Variants in FCGR3A observed in about 807,000 individuals in gnomAD.
FCGR3A encodes the protein Fc gamma receptor IIIa.
In FCGR3A, 13 loss-of-function variants were observed where a neutral mutation model predicts 24.1. That is an observed-to-expected ratio of 0.54 (90% confidence interval 0.35 to 0.86). The LOEUF (loss-of-function observed/expected upper bound fraction) is 0.86, where lower values mean the gene tolerates loss of function less well. Among genes scored for constraint, FCGR3A ranks in the 40% least tolerant of loss-of-function variants. The probability of loss-of-function intolerance (pLI) is 0.01; values close to 1 mark genes in which losing one functional copy is unlikely to be tolerated. For synonymous variants in FCGR3A, 93 were observed against 112.2 expected, an observed-to-expected ratio of 0.83 and a Z score of 1.08; for missense variants, 235 against 298.0, an observed-to-expected ratio of 0.79 and a Z score of 1.56.
At position 161,548,518 on chromosome 1, in the gene FCGR3A, G is replaced by A; in HGVS notation, c.222C>T (p.Tyr74=). The change falls in exon 3 of 5, where the codon TAC becomes TAT. Residue 74 remains tyrosine (Y), a synonymous_variant. Transcript: ENST00000443193. ...CGTCGACTGTGGCAGCGTCAATGAA[G>A]TAGCTCGAGGCCTGGCTTGAGATGA... ...ESLISSQASS[Y]FIDAATVDDS... is the part of the protein sequence containing the mutation. 1.2e-6 allele frequency: 2 copies of A among 1,614,034 alleles called. No individual in the cohort carries two copies. The highest frequency in any genetic ancestry group is 1.7e-6 in the Non-Finnish European group (2 of 1,179,872).
upstream of FCGR3A, chr1:161,549,835 C>G (rs982245313): frequency 6.2e-7 from 1 of 1,613,018 alleles, no homozygotes; most frequent in South Asian, 1.1e-5. Context: ...TCCCCAGCCC[C>G]TCCACCCATC....
chr1:161,549,830 A>T, upstream of FCGR3A: 1 of 1,613,624 alleles, frequency 6.2e-7, no homozygotes. Flanking sequence ...GCCTTTCCCC[A>T]GCCCCTCCAC....
upstream of FCGR3A, chr1:161,549,870 C>G (rs1465500012): frequency 1.2e-6 from 2 of 1,610,340 alleles, no homozygotes; most frequent in African/African-American, 2.7e-5. Flanking sequence ...ATTTCCTTTT[C>G]TTGAAACTTC....
rs747338915 is a variant in FCGR3A at position 161,548,602 on chromosome 1, C to A, written c.138G>T (p.Lys46Asn). 33 of 1,613,858 alleles carry A rather than the reference C, an allele frequency of 2.0e-5. No individual in the cohort carries two copies. The East Asian group carries it at 6.5e-4, about 32-fold the overall frequency. ...CCTCAGGGGAGTAGGCTCCCTGGCA[C>A]TTCAGAGTCACACTGTCCTTCTCGA... ...RVLEKDSVTL[K>N]CQGAYSPEDN... Residue 46 changes from lysine (K) to asparagine (N), a missense_variant, in exon 3 of 5, where the codon AAG becomes AAT. Transcript: ENST00000443193.
intron 3 of FCGR3A, among the ~76,000 whole-genome samples, chr1:161,546,059 A>T (rs1259822431): frequency 6.6e-6 from 1 of 152,084 alleles, no homozygotes; most frequent in Non-Finnish European, 1.5e-5. Context: ...CAATAATTTT[A>T]TTTTTTAAAT....
chr1:161,544,738 A>C lies in FCGR3A; in HGVS notation c.540T>G (p.Asn180Lys), dbSNP rs767421682. The change falls in exon 4 of 5, where the codon AAT becomes AAG. Residue 180 changes from asparagine to lysine, a missense_variant. Asn to Lys is a moderately conservative substitution (Grantham distance 94). Transcript: ENST00000443193. ...YFCRGLFGSKNVSSETVNITI... is the reference protein window; with the variant it reads ...YFCRGLFGSKKVSSETVNITI... ...TGATGTTCACAGTCTCTGAAGACAC[A>C]TTTTTACTCCCAAAAAGCCCCCTGC... 6.2e-7 allele frequency: 1 copy of C among 1,611,326 alleles called. No individual in the cohort carries two copies. Among genetic ancestry groups the C allele is most frequent in the African/African-American group, 1.3e-5 (1 of 74,782 alleles).
At chr1:161,548,079 A>C (rs1432964201) in intron 3 of FCGR3A, among the ~76,000 whole-genome samples, 3 of 152,290 alleles carry the variant, frequency 2.0e-5, no homozygotes, top group African/African-American at 7.2e-5. Context: ...TCAAAAAATA[A>C]AATTAAAAAA....
intron 3 of FCGR3A, 110 bp from the exon 4 acceptor site, chr1:161,545,068 G>T (rs1677328768): frequency 7.0e-7 from 1 of 1,433,044 alleles, no homozygotes; most frequent in Non-Finnish European, 9.4e-7. Flanking sequence ...AGCCAGATTG[G>T]GAGTCAACCC....
At chr1:161,549,573 C>T (rs1474958939) in intron 1 of FCGR3A, 124 bp downstream of exon 1, 1 of 1,484,246 alleles carries the variant, frequency 6.7e-7, no homozygotes, top group Admixed American at 2.6e-5. Flanking sequence ...GCTCAATCCA[C>T]AGCTATAGAT....
intron 1 of FCGR3A, among the ~76,000 whole-genome samples, 178 bp downstream of exon 1, chr1:161,549,519 C>G (rs1677639278): frequency 6.6e-6 from 1 of 152,028 alleles, no homozygotes; most frequent in African/African-American, 2.4e-5. Flanking sequence ...CAATTGGAAC[C>G]AGCATTCTCC....
chr1:161,544,367 C>T (rs1456647171), intron 4 of FCGR3A, among the ~76,000 whole-genome samples: 1 of 151,654 alleles, frequency 6.6e-6, no homozygotes, highest in Non-Finnish European at 1.5e-5. Flanking sequence ...AAGAAGGAGG[C>T]CAGCACGATA....
chr1:161,545,557 G>C (rs1677352222), intron 3 of FCGR3A: 1 of 153,132 alleles, frequency 6.5e-6, no homozygotes, highest in Non-Finnish European at 1.5e-5. Context: ...AGGTGTCACA[G>C]GGCCTCGGTG....
In FCGR3A at chr1:161,541,797, TTCTA is replaced by T. The variant is rs1162255370; in HGVS notation, c.*1211_*1214del. On this transcript the variant is annotated 3_prime_UTR_variant, in exon 5 of 5. Coordinates refer to ENST00000443193, the MANE Select transcript of FCGR3A (RefSeq NM_000569.8). ...ATTTTATTACCATGGTTTTCCCATCTTCTATCTAAGAGTAGCATGCAAGATCTTG... is the reference window on the plus strand; with the variant it reads ...ATTTTATTACCATGGTTTTCCCATCTTCTAAGAGTAGCATGCAAGATCTTG... The T allele has an allele frequency of 3.9e-5, 6 of 152,258 alleles. No individual in the cohort carries two copies. The highest frequency in any genetic ancestry group is 8.8e-5 in the Non-Finnish European group (6 of 68,018). The allele number at this position is 152,258 out of a possible 1,614,324, so 9.4% of individuals were successfully genotyped here. A position where few individuals can be genotyped will look rare whatever the true frequency, so the allele number is the denominator to read the frequency against.
Position 161,543,090 on chromosome 1 carries a change from C to T in FCGR3A, c.687G>A (p.Val229=), listed in dbSNP as rs1370563104. Residue 229 remains valine, a synonymous_variant, in exon 5 of 5, where the codon GTG becomes GTA. Coordinates refer to ENST00000443193, the MANE Select transcript of FCGR3A (RefSeq NM_000569.8). ...TTGTTGAGCTTCGAATGTTTGTCTT[C>T]ACAGAGAAATATAGTCCTGTGTCCA... The part of the protein sequence containing the change: ...FAVDTGLYFS[V]KTNIRSSTRD... 1 of 1,613,178 alleles carries T rather than the reference C, an allele frequency of 6.2e-7. No individual in the cohort carries two copies. The highest frequency in any genetic ancestry group is 1.3e-5 in the African/African-American group (1 of 74,754).
chr1:161,547,726 A>G (rs1677491088), intron 3 of FCGR3A, among the ~76,000 whole-genome samples: 1 of 152,256 alleles, frequency 6.6e-6, no homozygotes, highest in South Asian at 2.1e-4. Flanking sequence ...TACATGTCTG[A>G]GAGCGAGAAG....
chr1:161,550,317 T>C (rs1022773936), upstream of FCGR3A, among the ~76,000 whole-genome samples: 1 of 152,200 alleles, frequency 6.6e-6, no homozygotes, highest in Non-Finnish European at 1.5e-5. Context: ...AGAATTTCTT[T>C]CAAAATTCAA....
At chr1:161,543,235 A>G (rs2102518255) in intron 4 of FCGR3A, 36 bp from the exon 5 acceptor site, 1 of 1,601,356 alleles carries the variant, frequency 6.2e-7, no homozygotes, top group East Asian at 2.2e-5. Flanking sequence ...AAAAAATGAC[A>G]GTCACTAAGG....
chr1:161,549,751 G>C lies in FCGR3A; in HGVS notation c.-15C>G. The C allele has an allele frequency of 1.2e-6, 2 of 1,613,960 alleles. No individual in the cohort carries two copies. The highest frequency in any genetic ancestry group is 1.7e-6 in the Non-Finnish European group (2 of 1,179,924). Reference sequence around the variant, plus strand: ...AGCTGCCACATGATGCCACACTGGAGTGGACAAGTCACCAAAGATATCCGG... The same window carrying C: ...AGCTGCCACATGATGCCACACTGGACTGGACAAGTCACCAAAGATATCCGG... On this transcript the variant is annotated 5_prime_UTR_variant, in exon 1 of 5. Transcript: ENST00000443193.
intron 3 of FCGR3A, 119 bp downstream of exon 3, chr1:161,548,302 A>G: frequency 6.6e-7 from 1 of 1,525,478 alleles, no homozygotes; most frequent in Non-Finnish European, 9.0e-7. Context: ...GTGGGACCAC[A>G]CATCATCTCA....
Sources: gnomAD v4.1 joint callset for allele counts (sites outside exome capture counted in the v4.1 genomes callset) on GRCh38, gnomAD v4.1.1 for gene constraint, MANE v1.5 for transcripts, NCBI Gene and HGNC (gene_info 2026-07-23, HGNC 2026-07-21) for gene names.